OR2A12: variants seen among roughly 807,000 people sequenced by gnomAD.
OR2A12 encodes the protein olfactory receptor 2A12.
For synonymous variants in OR2A12, 153 were observed against 149.3 expected, an observed-to-expected ratio of 1.02 and a Z score of -0.18; for missense variants, 380 against 372.5, an observed-to-expected ratio of 1.02 and a Z score of -0.17.
Position 144,095,728 on chromosome 7 carries a change from GGGGCCGCT to G in OR2A12, c.622_629del (p.Gly208LeufsTer82). The G allele has an allele frequency of 6.2e-7, 1 of 1,614,076 alleles. No homozygotes were observed. The highest frequency in any genetic ancestry group is 1.1e-5 in the South Asian group (1 of 91,084). On this transcript the variant is annotated frameshift_variant, in exon 2 of 2. Coordinates refer to ENST00000641592, the MANE Select transcript of OR2A12 (RefSeq NM_001004135.2). LOFTEE classifies it low-confidence loss of function (END_TRUNC). Reference sequence around the variant, plus strand: ...TTGCGGGTTCTGCGTTCATCTTAGTGGGGCCGCTCTGCCTGGTGCTGGTCTCCTACTTG... The same window carrying G: ...TTGCGGGTTCTGCGTTCATCTTAGTGCTGCCTGGTGCTGGTCTCCTACTTG...
Position 144,095,980 on chromosome 7 carries a change from T to A in OR2A12, c.873T>A (p.Leu291=), listed in dbSNP as rs1482636838. The part of the protein sequence containing the change: ...NPILNPLIYS[L]RNAEVKGALK... ...TCCTGAACCCCCTCATCTACAGCCTTAGGAATGCAGAGGTGAAAGGGGCTC... is the reference window on the plus strand; with the variant it reads ...TCCTGAACCCCCTCATCTACAGCCTAAGGAATGCAGAGGTGAAAGGGGCTC... The change falls in exon 2 of 2, where the codon CTT becomes CTA. Residue 291 remains leucine, a synonymous_variant. Coordinates refer to ENST00000641592, the MANE Select transcript of OR2A12 (RefSeq NM_001004135.2). 6.2e-7 allele frequency: 1 copy of A among 1,613,716 alleles called. No individual in the cohort carries two copies. The highest frequency in any genetic ancestry group is 8.5e-7 in the Non-Finnish European group (1 of 1,179,842).
At position 144,095,421 on chromosome 7, in the gene OR2A12, C is replaced by T. The variant is rs867833362; in HGVS notation, c.314C>T (p.Ala105Val). The change falls in exon 2 of 2, where the codon GCG becomes GTG. Residue 105 changes from alanine to valine, a missense_variant. Coordinates refer to ENST00000641592, the MANE Select transcript of OR2A12 (RefSeq NM_001004135.2). ...PCILQTFLYLAFAITECLILV... is the reference protein window; with the variant it reads ...PCILQTFLYLVFAITECLILV... ...ATACTTCAGACTTTTTTGTATTTGGCGTTTGCTATTACAGAGTGTCTGATT... is the reference window on the plus strand; with the variant it reads ...ATACTTCAGACTTTTTTGTATTTGGTGTTTGCTATTACAGAGTGTCTGATT... 17 of 1,613,798 alleles carry T rather than the reference C, an allele frequency of 1.1e-5. No individual in the cohort carries two copies. Among genetic ancestry groups the T allele is most frequent in the African/African-American group, 4.0e-5 (3 of 74,882 alleles).
At chr7:144,091,712 T>C (rs115181642) in intron 1 of OR2A12, among the ~76,000 whole-genome samples, 1,580 of 152,272 alleles carry the variant, frequency 0.01, 41 homozygotes, top group African/African-American at 0.035. Flanking sequence ...GATTTTTTTT[T>C]GTAAATTTGT....
Position 144,095,782 on chromosome 7 carries a change from G to T in OR2A12, c.675G>T (p.Leu225Phe), listed in dbSNP as rs1479378034. The change falls in exon 2 of 2, where the codon TTG (leucine) becomes TTT (phenylalanine). Residue 225 changes from leucine to phenylalanine, a missense_variant. Leu to Phe is a conservative substitution (Grantham distance 22, BLOSUM62 0). Transcript: ENST00000641592. ...VSYLHILVAI[L>F]RIQSGEGRRK... is the part of the protein sequence containing the mutation. ...ACTTGCACATCCTGGTGGCCATCTT[G>T]AGGATCCAGTCTGGGGAGGGCCGCA... 6.2e-7 allele frequency: 1 copy of T among 1,613,982 alleles called. No homozygotes were observed. Among genetic ancestry groups the T allele is most frequent in the Non-Finnish European group, 8.5e-7 (1 of 1,180,018 alleles).
chr7:144,093,222 C>T (rs189008382), intron 1 of OR2A12, among the ~76,000 whole-genome samples: 12 of 152,142 alleles, frequency 7.9e-5, no homozygotes, highest in Admixed American at 7.2e-4. Flanking sequence ...AATTCTCGAA[C>T]ATTTTTGGTG....
chr7:144,086,315 A>C lies in OR2A12; in HGVS notation c.-280A>C, dbSNP rs1023529947. ...TCTCCTGGGTAGGAACAACCTTGCCATTCTTCCTGAGTTCTCACTTCTTTG... is the reference window on the plus strand; with the variant it reads ...TCTCCTGGGTAGGAACAACCTTGCCCTTCTTCCTGAGTTCTCACTTCTTTG... On this transcript the variant is annotated 5_prime_UTR_variant, in exon 1 of 2. Transcript: ENST00000641592. The C allele has an allele frequency of 6.6e-6, 1 of 152,454 alleles. No homozygotes were observed. Among genetic ancestry groups the C allele is most frequent in the Non-Finnish European group, 1.5e-5 (1 of 68,084 alleles). The allele number at this position is 152,454 out of a possible 1,614,324, so 9.4% of individuals were successfully genotyped here.
intron 1 of OR2A12, among the ~76,000 whole-genome samples, chr7:144,090,713 C>T (rs545103884): frequency 1.3e-5 from 2 of 152,228 alleles, no homozygotes; most frequent in East Asian, 3.9e-4. Flanking sequence ...GCCCCTGTGC[C>T]TGTTGTTTCC....
At chr7:144,093,079 G>A (rs1015257904) in intron 1 of OR2A12, among the ~76,000 whole-genome samples, 1 of 151,912 alleles carries the variant, frequency 6.6e-6, no homozygotes, top group Non-Finnish European at 1.5e-5. Flanking sequence ...TTGTTCTCAG[G>A]GTTCATTTTT....
chr7:144,095,123 A>T lies in OR2A12; in HGVS notation c.16A>T (p.Thr6Ser). The T allele has an allele frequency of 3.7e-6, 6 of 1,608,790 alleles. No individual in the cohort carries two copies. The highest frequency in any genetic ancestry group is 5.1e-6 in the Non-Finnish European group (6 of 1,177,568). Reference protein sequence around the residue: MESNQTWITEVILLGF... With the variant: MESNQSWITEVILLGF... Reference sequence around the variant, plus strand: ...TCACGAGAACATGGAAAGCAATCAGACCTGGATCACAGAAGTCATCCTGTT... The same window carrying T: ...TCACGAGAACATGGAAAGCAATCAGTCCTGGATCACAGAAGTCATCCTGTT... The change falls in exon 2 of 2, where the codon ACC becomes TCC. Residue 6 changes from threonine to serine, a missense_variant. Coordinates refer to ENST00000641592, the MANE Select transcript of OR2A12 (RefSeq NM_001004135.2).
At chr7:144,092,537 G>A (rs2051233801) in intron 1 of OR2A12, among the ~76,000 whole-genome samples, 1 of 152,010 alleles carries the variant, frequency 6.6e-6, no homozygotes, top group South Asian at 2.1e-4. Context: ...AGTTCTCATT[G>A]TTGAGATCTT....
rs1055747863 is a variant in OR2A12 at position 144,096,426 on chromosome 7, C to T, written c.*386C>T. The T allele has an allele frequency of 6.3e-6, 1 of 157,838 alleles. No homozygotes were observed. Among genetic ancestry groups the T allele is most frequent in the African/African-American group, 2.4e-5 (1 of 41,352 alleles). The allele number at this position is 157,838 out of a possible 1,614,324, so 9.8% of individuals were successfully genotyped here. On this transcript the variant is annotated 3_prime_UTR_variant, in exon 2 of 2. Coordinates refer to ENST00000641592, the MANE Select transcript of OR2A12 (RefSeq NM_001004135.2). ...GAGCCGAGATTGTACCACTGCACTC[C>T]AGCCTGGGCGACAGAGCAAGACTCC...
Position 144,096,068 on chromosome 7 carries a change from T to C in OR2A12, c.*28T>C, listed in dbSNP as rs765393767. On this transcript the variant is annotated 3_prime_UTR_variant, in exon 2 of 2. Coordinates refer to ENST00000641592, the MANE Select transcript of OR2A12 (RefSeq NM_001004135.2). ...AATCATTTGAGATATCCTGAGTGTG[T>C]AAGCATGGTTCTCATGACCCTGGGT... The C allele has an allele frequency of 6.7e-7, 1 of 1,501,260 alleles. No homozygotes were observed. The highest frequency in any genetic ancestry group is 1.3e-5 in the South Asian group (1 of 77,990). The allele number at this position is 1,501,260 out of a possible 1,614,324, so 93.0% of individuals were successfully genotyped here.
In OR2A12 at chr7:144,097,446, G is replaced by C. The variant is rs2051274646; in HGVS notation, c.*1406G>C. On this transcript the variant is annotated 3_prime_UTR_variant, in exon 2 of 2. Transcript: ENST00000641592. Reference sequence around the variant, plus strand: ...TTCAATCTCCTTAAATTGATTATTAGATTTAATACAATCCCAATCAATATC... The same window carrying C: ...TTCAATCTCCTTAAATTGATTATTACATTTAATACAATCCCAATCAATATC... 1 of 152,126 alleles carries C rather than the reference G, an allele frequency of 6.6e-6. No homozygotes were observed. Among genetic ancestry groups the C allele is most frequent in the Non-Finnish European group, 1.5e-5 (1 of 68,040 alleles). The allele number at this position is 152,126 out of a possible 1,614,324, so 9.4% of individuals were successfully genotyped here.
chr7:144,089,539 T>C (rs2051213998), intron 1 of OR2A12, among the ~76,000 whole-genome samples: 1 of 152,070 alleles, frequency 6.6e-6, no homozygotes, highest in South Asian at 2.1e-4. Flanking sequence ...CTTGCTTATT[T>C]TGTGTTTTCT....
At position 144,095,629 on chromosome 7, in the gene OR2A12, C is replaced by T. The variant is rs771253895; in HGVS notation, c.522C>T (p.Asn174=). The T allele has an allele frequency of 6.2e-7, 1 of 1,614,008 alleles. No individual in the cohort carries two copies. The highest frequency in any genetic ancestry group is 2.2e-5 in the East Asian group (1 of 44,872). The change falls in exon 2 of 2, where the codon AAC becomes AAT. Residue 174 remains asparagine (N), a synonymous_variant. Transcript: ENST00000641592. The part of the protein sequence containing the change: ...RLPFCGPQKI[N]HFFCQIMSVF... ...CTTTTTGTGGCCCACAAAAGATCAA[C>T]CACTTTTTCTGTCAAATCATGTCCG...
rs761054243 is a variant in OR2A12 at position 144,098,520 on chromosome 7, G to A, written c.*2480G>A. ...GCACATGAGAAGATCGAGGAACACA[G>A]AGGTTGAGTAACTTACCCTGAGTCA... On this transcript the variant is annotated 3_prime_UTR_variant, in exon 2 of 2. Transcript: ENST00000641592. 5.3e-5 allele frequency: 8 copies of A among 152,122 alleles called. No individual in the cohort carries two copies. The highest frequency in any genetic ancestry group is 1.2e-4 in the Non-Finnish European group (8 of 67,998). 9.4% of individuals were successfully genotyped at this position (152,122 alleles called of 1,614,324 possible).
chr7:144,086,670 T>G (rs2051189736), intron 1 of OR2A12, 127 bp downstream of exon 1: 1 of 152,236 alleles, frequency 6.6e-6, no homozygotes, highest in Non-Finnish European at 1.5e-5. Flanking sequence ...GGACTCATCG[T>G]CTACCCAACC....
intron 1 of OR2A12, among the ~76,000 whole-genome samples, chr7:144,089,488 T>C (rs1334219405): frequency 6.6e-6 from 1 of 152,204 alleles, no homozygotes; most frequent in Non-Finnish European, 1.5e-5. Context: ...GCCCTATAAG[T>C]ACATATAATG....
chr7:144,090,143 T>C (rs1039029087), intron 1 of OR2A12, among the ~76,000 whole-genome samples: 1 of 152,160 alleles, frequency 6.6e-6, no homozygotes, highest in Admixed American at 6.5e-5. Context: ...ACTCTTCTTG[T>C]TGATGAGAAG....
Sources: gnomAD v4.1 joint callset for allele counts (sites outside exome capture counted in the v4.1 genomes callset) on GRCh38, gnomAD v4.1.1 for gene constraint, MANE v1.5 for transcripts, NCBI Gene and HGNC (gene_info 2026-07-23, HGNC 2026-07-21) for gene names.